COBL: variants seen among roughly 807,000 people sequenced by gnomAD.
COBL encodes protein cordon-bleu.
In COBL, 51 loss-of-function variants were observed where a neutral mutation model predicts 98.8. That is an observed-to-expected ratio of 0.52 (90% CI 0.41 to 0.65). The LOEUF (loss-of-function observed/expected upper bound fraction) is 0.65. Ranked by LOEUF, COBL falls within the 30% of genes least tolerant of loss-of-function variation. The probability of loss-of-function intolerance (pLI) is 0.00; values close to 1 mark genes in which losing one functional copy is unlikely to be tolerated. For synonymous variants in COBL, 634 were observed against 651.7 expected, an observed-to-expected ratio of 0.97 and a Z score of 0.41; for missense variants, 1,617 against 1,617.5, an observed-to-expected ratio of 1.00 and a Z score of 0.01.
intron 5 of COBL, among the ~76,000 whole-genome samples, chr7:51,170,529 A>G (rs907816196): frequency 7.0e-5 from 10 of 142,806 alleles, no homozygotes; most frequent in Non-Finnish European, 1.3e-4. Flanking sequence ...ATATATATAT[A>G]TAAATATATA....
intron 1 of COBL, among the ~76,000 whole-genome samples, chr7:51,237,906 C>A (rs1354690952): frequency 1.3e-5 from 2 of 152,218 alleles, no homozygotes; most frequent in Admixed American, 1.3e-4. Context: ...TGTCTGCTTA[C>A]ACCTGGAAGT....
chr7:51,248,454 A>C (rs372183617), intron 1 of COBL, among the ~76,000 whole-genome samples: 1 of 152,312 alleles, frequency 6.6e-6, no homozygotes, highest in South Asian at 2.1e-4. Flanking sequence ...GCCCCCTAAA[A>C]AAAACTGTCA....
At chr7:51,175,229 T>C (rs1042989529) in intron 5 of COBL, among the ~76,000 whole-genome samples, 2 of 152,286 alleles carry the variant, frequency 1.3e-5, no homozygotes, top group Non-Finnish European at 2.9e-5. Context: ...GATATCACTT[T>C]ACATAGCACG....
intron 1 of COBL, among the ~76,000 whole-genome samples, chr7:51,257,030 G>A (rs1797254059): frequency 6.6e-6 from 1 of 152,156 alleles, no homozygotes; most frequent in South Asian, 2.1e-4. Context: ...TCCAGTGGAA[G>A]TGTCACATAT....
intron 5 of COBL, among the ~76,000 whole-genome samples, chr7:51,163,603 T>C (rs1002365257): frequency 6.6e-6 from 1 of 152,216 alleles, no homozygotes; most frequent in Non-Finnish European, 1.5e-5. Context: ...CCCTTGATTT[T>C]TAAAAGTGGA....
chr7:51,198,887 C>T (rs578006656), intron 2 of COBL, among the ~76,000 whole-genome samples: 14 of 152,146 alleles, frequency 9.2e-5, no homozygotes, highest in African/African-American at 3.1e-4. Context: ...GTTGTGAAAC[C>T]CTGGTAGAGC....
At chr7:51,250,250 G>T (rs948604403) in intron 1 of COBL, among the ~76,000 whole-genome samples, 1 of 152,114 alleles carries the variant, frequency 6.6e-6, no homozygotes, top group Non-Finnish European at 1.5e-5. Context: ...GAAAGTGACT[G>T]GTACACACTC....
chr7:51,155,588 TCA>T (rs1491377416), intron 5 of COBL, among the ~76,000 whole-genome samples: 3 of 41,158 alleles, frequency 7.3e-5, no homozygotes, highest in Non-Finnish European at 1.1e-4. Flanking sequence ...AGACTCCATC[TCA>T]AAAAAAAAAA....
At chr7:51,025,024 G>A (rs866365085) in intron 12 of COBL, 85 bp downstream of exon 12, 2 of 1,580,404 alleles carry the variant, frequency 1.3e-6, no homozygotes, top group Middle Eastern at 2.3e-4. Flanking sequence ...CGCAGCTCCT[G>A]CCCACAGGCA....
chr7:51,214,272 A>AAAATAAATAAATAAATAAAT (rs34766805), intron 2 of COBL, among the ~76,000 whole-genome samples: 12 of 140,274 alleles, frequency 8.6e-5, no homozygotes, highest in African/African-American at 2.6e-4. Flanking sequence ...TCATCTATTA[A>AAAATAAATAAATAAATAAAT]AAATAAATAA....
rs569733029 is a variant in COBL, at chr7:51,056,472, G to C, written c.1097-12780C>G. ...CTGAGTCTCCAAGGATGACCTGTCT[G>C]GTGTCTCTGCATCAGTGCCTCCATC... On this transcript the variant is annotated intron_variant, in intron 7 of 12. Transcript: ENST00000265136. Among the ~76,000 whole-genome samples the C allele has an allele frequency of 2.0e-5, 3 of 152,204 alleles. No individual in the cohort carries two copies. The South Asian group carries it at 6.2e-4, about 32-fold the overall frequency.
intron 8 of COBL, among the ~76,000 whole-genome samples, chr7:51,040,797 G>T (rs905967273): frequency 5.9e-5 from 9 of 152,142 alleles, no homozygotes; most frequent in Non-Finnish European, 1.0e-4. Context: ...AAAGCATCAG[G>T]TTCCAAAGAC....
intron 4 of COBL, among the ~76,000 whole-genome samples, chr7:51,187,597 C>T (rs1044576982): frequency 6.6e-6 from 1 of 152,136 alleles, no homozygotes; most frequent in Non-Finnish European, 1.5e-5. Flanking sequence ...GGTGCCTTTC[C>T]TGCGCACACC....
chr7:51,169,803 ATTAC>A (rs1222960206), intron 5 of COBL, among the ~76,000 whole-genome samples: 1 of 152,202 alleles, frequency 6.6e-6, no homozygotes, highest in Admixed American at 6.5e-5. Context: ...ATAGTCAATA[ATTAC>A]TTACTTGTAC....
At chr7:51,266,595 A>G (rs1487711347) in intron 1 of COBL, among the ~76,000 whole-genome samples, 1 of 152,212 alleles carries the variant, frequency 6.6e-6, no homozygotes, top group Non-Finnish European at 1.5e-5. Flanking sequence ...AAACAAAAAA[A>G]AGATCAACTG....
At chr7:51,310,019 C>G (rs1802862964) in intron 1 of COBL, among the ~76,000 whole-genome samples, 2 of 152,212 alleles carry the variant, frequency 1.3e-5, no homozygotes, top group African/African-American at 4.8e-5. Context: ...GCCTGAGACC[C>G]CAGGTGAGGC....
In COBL at chr7:51,178,775, A is replaced by G. The variant is rs376245885; in HGVS notation, c.783+5327T>C. On this transcript the variant is annotated intron_variant, in intron 5 of 12. Coordinates refer to ENST00000265136, the MANE Select transcript of COBL (RefSeq NM_015198.5). ...AGGTGCCTGCCACCATGCCCGGCTA[A>G]TTTTTGTATTTTTAGTAGAGACGGG... Among the ~76,000 whole-genome samples, 6 of 151,998 alleles carry G rather than the reference A, an allele frequency of 3.9e-5. No homozygotes were observed. In the South Asian group the frequency reaches 6.2e-4, roughly 16 times the overall value.
At chr7:51,269,369 G>C (rs1040373816) in intron 1 of COBL, among the ~76,000 whole-genome samples, 7 of 152,158 alleles carry the variant, frequency 4.6e-5, no homozygotes, top group African/African-American at 1.7e-4. Flanking sequence ...TCATGCATCA[G>C]TGACCCAGGT....
At chr7:51,143,988 G>A (rs1232593051) in intron 5 of COBL, among the ~76,000 whole-genome samples, 1 of 152,144 alleles carries the variant, frequency 6.6e-6, no homozygotes, top group African/African-American at 2.4e-5. Context: ...TAAGAGGGTG[G>A]CCACATAATT....
Sources: allele counts gnomAD v4.1 joint callset (sites outside exome capture counted in the v4.1 genomes callset), GRCh38; gene constraint gnomAD v4.1.1; transcripts MANE v1.5; gene names NCBI Gene and HGNC (gene_info 2026-07-23, HGNC 2026-07-21).